ETFBKMT: variants seen among roughly 807,000 people sequenced by gnomAD.
ETFBKMT encodes the protein electron transfer flavoprotein beta subunit lysine methyltransferase.
ETFBKMT carries 13 observed loss-of-function variants against 18.3 expected under a neutral mutation model. The ratio of observed to expected loss-of-function variants is 0.71; its 90% CI spans 0.46 to 1.13. The LOEUF (loss-of-function observed/expected upper bound fraction) is 1.13. Among genes scored for constraint, ETFBKMT ranks in the 50% most tolerant of loss-of-function variants. The pLI is 0.00. For missense variants in ETFBKMT, 293 were observed against 306.2 expected (o/e 0.96, Z 0.32); for synonymous variants, 84 against 107.9 (o/e 0.78, Z 1.37).
chr12:31,656,339 A>G (rs926612353), upstream of ETFBKMT, among the ~76,000 whole-genome samples: 4 of 152,180 alleles, frequency 2.6e-5, no homozygotes, highest in East Asian at 7.7e-4. Context: ...AACAAGGCCT[A>G]GGGATGAGAG....
chr12:31,656,768 G>C (rs1473778204), upstream of ETFBKMT, among the ~76,000 whole-genome samples: 2 of 152,126 alleles, frequency 1.3e-5, no homozygotes, highest in African/African-American at 4.8e-5. Context: ...TCCAATGGCG[G>C]TTTCCTTGTC....
At chr12:31,663,114 A>G (rs2139622798) in intron 2 of ETFBKMT, among the ~76,000 whole-genome samples, 1 of 151,292 alleles carries the variant, frequency 6.6e-6, no homozygotes, top group East Asian at 1.9e-4. Flanking sequence ...TTTTTTTGAG[A>G]CAGAGTCTCA....
intron 1 of ETFBKMT, among the ~76,000 whole-genome samples, chr12:31,650,933 T>C (rs1053656191): frequency 1.3e-5 from 2 of 152,130 alleles, no homozygotes; most frequent in Non-Finnish European, 2.9e-5. Flanking sequence ...AAACGTTTAC[T>C]AGGGACTTAG....
At position 31,669,820 on chromosome 12, in the gene ETFBKMT, CTTT is replaced by C. The variant is rs141097213; in HGVS notation, c.*1844_*1846del. The C allele has an allele frequency of 7.9e-5, 11 of 139,992 alleles. No individual in the cohort carries two copies. Among genetic ancestry groups the C allele is most frequent in the Non-Finnish European group, 6.2e-5 (4 of 64,362 alleles). 8.7% of individuals were successfully genotyped at this position (139,992 alleles called of 1,614,324 possible). A position where few individuals can be genotyped will look rare whatever the true frequency, so the allele number is the denominator to read the frequency against. ...GGACAGATTCCTAGAGCTTTTGATT[CTTT>C]TTTTTTTTTTTTTGAGGCAGAGTTT... is the stretch of plus-strand genomic sequence containing the variant. On this transcript the variant is annotated 3_prime_UTR_variant, in exon 4 of 4. Coordinates refer to ENST00000357721, the MANE Select transcript of ETFBKMT (RefSeq NM_001135863.2).
rs146629852 is a variant in ETFBKMT, at chr12:31,653,007, G to A, written c.-114+5752G>A. ...GCGGATTGCCTGAGCTCAGGAGTTC[G>A]GAACCAGCCTGGGCAACACGGTGAA... On this transcript the variant is annotated intron_variant, in intron 1 of 3. Transcript: ENST00000412352. Among the ~76,000 whole-genome samples the A allele has an allele frequency of 5.9e-3, 895 of 152,332 alleles. 9 individuals carry two copies. Among genetic ancestry groups the A allele is most frequent in the African/African-American group, 0.02 (851 of 41,552 alleles).
intron 2 of ETFBKMT, among the ~76,000 whole-genome samples, chr12:31,662,844 A>G (rs976344205): frequency 6.6e-6 from 1 of 152,082 alleles, no homozygotes; most frequent in African/African-American, 2.4e-5. Flanking sequence ...TGGAAGCTAA[A>G]CACCCAGTCC....
chr12:31,665,231 C>T (rs1358331314), intron 2 of ETFBKMT, among the ~76,000 whole-genome samples: 2 of 152,168 alleles, frequency 1.3e-5, no homozygotes, highest in Non-Finnish European at 2.9e-5. Context: ...CCACTGTGCC[C>T]AGCCTACAAC....
chr12:31,649,197 G>C (rs1950994723), intron 1 of ETFBKMT, among the ~76,000 whole-genome samples: 1 of 151,976 alleles, frequency 6.6e-6, no homozygotes, highest in Admixed American at 6.5e-5. Context: ...AGGAAATAAT[G>C]ACAAGAAAAA....
intron 1 of ETFBKMT, among the ~76,000 whole-genome samples, chr12:31,652,551 A>G (rs528178652): frequency 5.9e-5 from 9 of 152,296 alleles, no homozygotes; most frequent in African/African-American, 2.2e-4. Flanking sequence ...CTTCATGTGC[A>G]AGTAAAAATT....
intron 2 of ETFBKMT, among the ~76,000 whole-genome samples, chr12:31,664,740 C>A (rs1253339305): frequency 3.3e-5 from 5 of 151,570 alleles, no homozygotes; most frequent in African/African-American, 1.2e-4. Context: ...CTCAGCCTCC[C>A]GAGTAGCTGG....
chr12:31,669,980 C>CA lies in ETFBKMT; in HGVS notation c.*1991dup, dbSNP rs1951246976. The CA allele has an allele frequency of 1.3e-5, 2 of 152,216 alleles. No individual in the cohort carries two copies. The highest frequency in any genetic ancestry group is 6.5e-5 in the Admixed American group (1 of 15,278). 9.4% of individuals were successfully genotyped at this position (152,216 alleles called of 1,614,324 possible). ...GATTACAGGTATACACCACCAAACC[C>CA]AGCTGGGATTACAGGCATGCACCAC... On this transcript the variant is annotated 3_prime_UTR_variant, in exon 4 of 4. Coordinates refer to ENST00000357721, the MANE Select transcript of ETFBKMT (RefSeq NM_001135863.2).
Position 31,669,891 on chromosome 12 carries a change from C to A in ETFBKMT, c.*1901C>A, listed in dbSNP as rs1951245710. 6.6e-6 allele frequency: 1 copy of A among 150,510 alleles called. No homozygotes were observed. Among genetic ancestry groups the A allele is most frequent in the African/African-American group, 2.4e-5 (1 of 40,824 alleles). 9.3% of individuals were successfully genotyped at this position (150,510 alleles called of 1,614,324 possible). On this transcript the variant is annotated 3_prime_UTR_variant, in exon 4 of 4. Coordinates refer to ENST00000357721, the MANE Select transcript of ETFBKMT (RefSeq NM_001135863.2). ...CTGGAGTGCAATGGCGTGATCTTGG[C>A]TCACTGCAACCTCCACCTCCTGGGT...
At chr12:31,660,422 A>G (rs888426229) in intron 1 of ETFBKMT, among the ~76,000 whole-genome samples, 1 of 152,184 alleles carries the variant, frequency 6.6e-6, no homozygotes, top group African/African-American at 2.4e-5. Flanking sequence ...ACCATTTAAA[A>G]CATTTATGCA....
upstream of ETFBKMT, chr12:31,659,598 A>G (rs1255230894): frequency 6.6e-6 from 1 of 152,180 alleles, no homozygotes; most frequent in African/African-American, 2.4e-5. Flanking sequence ...TGGGGTCCAA[A>G]TCCCAAATAA....
At chr12:31,664,926 C>G (rs1467052276) in intron 2 of ETFBKMT, among the ~76,000 whole-genome samples, 1 of 139,548 alleles carries the variant, frequency 7.2e-6, no homozygotes, top group Non-Finnish European at 1.5e-5. Flanking sequence ...TTATACATTT[C>G]TTTTCTTTCT....
At chr12:31,664,939 CT>C (rs57572915) in intron 2 of ETFBKMT, among the ~76,000 whole-genome samples, 190 of 121,444 alleles carry the variant, frequency 1.6e-3, no homozygotes, top group Non-Finnish European at 1.7e-3. Flanking sequence ...TTCTTTCTTT[CT>C]TTTTTTTTTT....
At chr12:31,647,683 G>T (rs572820725) in intron 1 of ETFBKMT, among the ~76,000 whole-genome samples, 2 of 152,222 alleles carry the variant, frequency 1.3e-5, no homozygotes, top group East Asian at 1.9e-4. Flanking sequence ...ACAAAAATTA[G>T]CCAGGTGTGG....
At chr12:31,648,783 G>T (rs867413351) in intron 1 of ETFBKMT, among the ~76,000 whole-genome samples, 1 of 151,900 alleles carries the variant, frequency 6.6e-6, no homozygotes. Flanking sequence ...GGATGGTCTC[G>T]ATCTCCTGAC....
intron 1 of ETFBKMT, among the ~76,000 whole-genome samples, chr12:31,651,627 C>T (rs957594796): frequency 6.6e-5 from 10 of 152,058 alleles, no homozygotes; most frequent in African/African-American, 2.4e-4. Flanking sequence ...CCACCGCGCC[C>T]GGCCGATGCC....
Sources: allele counts gnomAD v4.1 joint callset (sites outside exome capture counted in the v4.1 genomes callset), GRCh38; gene constraint gnomAD v4.1.1; transcripts MANE v1.5; gene names NCBI Gene and HGNC (gene_info 2026-07-23, HGNC 2026-07-21).